Variants in ATAD3B observed in about 807,000 individuals in gnomAD.
ATAD3B encodes ATPase family AAA domain containing 3B.
In ATAD3B, 59 loss-of-function variants were observed where a neutral mutation model predicts 70.2. The observed-to-expected ratio is 0.84, with a 90% CI of 0.68 to 1.04. The LOEUF (loss-of-function observed/expected upper bound fraction) is 1.04, where lower values mean the gene tolerates loss of function less well. ATAD3B is among the 50% of genes least tolerant of loss of function. ATAD3B has a pLI of 0.00. For synonymous variants in ATAD3B, 423 were observed against 388.6 expected (o/e 1.09, Z -1.04); for missense variants, 961 against 913.4 (o/e 1.05, Z -0.67).
intron 7 of ATAD3B, chr1:1,483,933 C>A (rs1039307543): frequency 2.0e-5 from 3 of 152,150 alleles, no homozygotes; most frequent in African/African-American, 7.2e-5. Flanking sequence ...GCAGTCACAG[C>A]AGTGGGCGCC....
intron 5 of ATAD3B, among the ~76,000 whole-genome samples, 186 bp from the exon 6 acceptor site, chr1:1,481,952 C>A (rs946659945): frequency 7.2e-6 from 1 of 138,188 alleles, no homozygotes; most frequent in South Asian, 2.2e-4. Flanking sequence ...TGGGCCGGTC[C>A]GTGGTGCGGG....
intron 1 of ATAD3B, among the ~76,000 whole-genome samples, chr1:1,475,217 TG>T (rs2100520470): frequency 6.7e-6 from 1 of 149,278 alleles, no homozygotes; most frequent in Non-Finnish European, 1.5e-5. Context: ...AGGTGCACCG[TG>T]GGGAGCCCTC....
Position 1,485,050 on chromosome 1 carries a change from A to C in ATAD3B, c.785A>C (p.Tyr262Ser), listed in dbSNP as rs1193403183. The C allele has an allele frequency of 6.2e-7, 1 of 1,604,892 alleles. No individual in the cohort carries two copies. Residue 262 changes from tyrosine to serine, a missense_variant, in exon 8 of 16, where the codon TAC (tyrosine) becomes TCC (serine). Tyr to Ser is a moderately radical substitution (Grantham distance 144, BLOSUM62 -2). Around this residue, in one of 4 missense-constraint regions of ATAD3B, gnomAD observed 349 missense variants for 307.5 expected, o/e 1.14. Transcript: ENST00000673477. ...AGLTLLAVGV[Y>S]SAKNATAVTG... is the part of the protein sequence containing the mutation. ...CTGACGCTGCTGGCTGTCGGGGTCT[A>C]CTCAGCCAAGAATGCGACAGCCGTC...
At position 1,485,709 on chromosome 1, in the gene ATAD3B, A is replaced by G. The variant is rs1622025; in HGVS notation, c.907-73A>G. The G allele has an allele frequency of 3.0e-4, 479 of 1,597,630 alleles. 5 individuals are homozygous for G. The highest frequency in any genetic ancestry group is 3.7e-4 in the Middle Eastern group (2 of 5,338). ...GCTCCGTTTCTGTGTGTTACCGAGC[A>G]TGTGTGTGCGTTGGTGGCTGTTCCG... On this transcript the variant is annotated intron_variant, in intron 8 of 15. Coordinates refer to ENST00000673477, the MANE Select transcript of ATAD3B (RefSeq NM_031921.6).
In ATAD3B at chr1:1,477,625, G is replaced by T. The variant is rs186307811; in HGVS notation, c.282+275G>T. 1.6e-3 allele frequency among the ~76,000 whole-genome samples: 248 copies of T among 152,026 alleles called. 8 individuals carry two copies. Among genetic ancestry groups the T allele is most frequent in the Admixed American group, 8.7e-3 (132 of 15,244 alleles). The stretch of plus-strand genomic sequence containing the variant: ...TGGTGAGGGCATCTGGTCGTCCTGA[G>T]GGAGGGGGTCTTCTTCACATTCTCA... On this transcript the variant is annotated intron_variant, in intron 2 of 15. Transcript: ENST00000673477.
the ATAD3B span, chr1:1,509,250 A>G: frequency 6.2e-7 from 1 of 1,612,928 alleles, no homozygotes; most frequent in Non-Finnish European, 8.5e-7. Context: ...CGAGGCCATG[A>G]TGGACACCCG....
At chr1:1,493,110 A>T (rs1640619573) in intron 15 of ATAD3B, among the ~76,000 whole-genome samples, 1 of 151,986 alleles carries the variant, frequency 6.6e-6, no homozygotes, top group African/African-American at 2.4e-5. Flanking sequence ...AACTGTCTCA[A>T]AATATAAATG....
At chr1:1,488,183 C>T (rs560725537) in intron 12 of ATAD3B, among the ~76,000 whole-genome samples, 1 of 151,916 alleles carries the variant, frequency 6.6e-6, no homozygotes. Flanking sequence ...TCAAGAACTC[C>T]TGATCTCAAA....
intron 8 of ATAD3B, among the ~76,000 whole-genome samples, chr1:1,485,406 T>C (rs1640151065): frequency 6.6e-6 from 1 of 152,012 alleles, no homozygotes; most frequent in African/African-American, 2.4e-5. Context: ...TGATGGGGCC[T>C]GGGAGCACAT....
chr1:1,484,534 G>A (rs1640098154), intron 7 of ATAD3B: 1 of 155,690 alleles, frequency 6.4e-6, no homozygotes, highest in Non-Finnish European at 1.4e-5. Context: ...TTCCAGGTTG[G>A]TTAGGCTGGT....
downstream of ATAD3B, among the ~76,000 whole-genome samples, chr1:1,500,567 AATT>A (rs1382726952): frequency 2.0e-5 from 3 of 150,604 alleles, no homozygotes. Flanking sequence ...AAAAAAAAAA[AATT>A]ATCCTGTGCT....
At chr1:1,488,992 A>G (rs1025017479) in intron 12 of ATAD3B, among the ~76,000 whole-genome samples, 1 of 151,658 alleles carries the variant, frequency 6.6e-6, no homozygotes, top group Non-Finnish European at 1.5e-5. Flanking sequence ...CAAACTCCCT[A>G]CCTCAGGTGA....
At chr1:1,482,427 C>T (rs891973215) in intron 6 of ATAD3B, 118 bp from the exon 7 acceptor site, 32 of 1,588,890 alleles carry the variant, frequency 2.0e-5, no homozygotes, top group Middle Eastern at 1.7e-4. Flanking sequence ...GGTGGGGGCA[C>T]TGCCCCTCTG....
At chr1:1,501,535 G>A (rs1420200816), downstream of ATAD3B, among the ~76,000 whole-genome samples, 3 of 152,028 alleles carry the variant, frequency 2.0e-5, no homozygotes, top group Non-Finnish European at 4.4e-5. Flanking sequence ...AATTACAGGC[G>A]TGAGCCACCG....
intron 1 of ATAD3B, among the ~76,000 whole-genome samples, chr1:1,474,352 G>T (rs1153098): frequency 6.6e-6 from 1 of 150,996 alleles, no homozygotes. Context: ...CGCCACGCCC[G>T]GCTAATTTTT....
At chr1:1,480,241 C>T (rs1229336841) in intron 4 of ATAD3B, among the ~76,000 whole-genome samples, 3 of 125,682 alleles carry the variant, frequency 2.4e-5, no homozygotes, top group African/African-American at 9.1e-5. Flanking sequence ...CATTACTGCA[C>T]GTGAGGGCAT....
chr1:1,493,624 T>C (rs1570278137), intron 15 of ATAD3B, among the ~76,000 whole-genome samples: 1 of 146,064 alleles, frequency 6.8e-6, no homozygotes, highest in Non-Finnish European at 1.5e-5. Flanking sequence ...ACCAGTTGAA[T>C]TTTTTTTTTT....
At chr1:1,498,206 G>T (rs1640849779), downstream of ATAD3B, among the ~76,000 whole-genome samples, 1 of 151,986 alleles carries the variant, frequency 6.6e-6, no homozygotes, top group Non-Finnish European at 1.5e-5. Flanking sequence ...GGGAGGCCGA[G>T]GCAGGAAAAT....
At chr1:1,472,903 G>A (rs955745348) in intron 1 of ATAD3B, among the ~76,000 whole-genome samples, 1 of 149,328 alleles carries the variant, frequency 6.7e-6, no homozygotes, top group Non-Finnish European at 1.5e-5. Flanking sequence ...GTGCGATTTC[G>A]GCTCCCTGCA....
Sources: gnomAD v4.1 joint callset for allele counts (sites outside exome capture counted in the v4.1 genomes callset) on GRCh38, gnomAD v4.1.1 for gene constraint, gnomAD v4.1.1 regional missense constraint, MANE v1.5 for transcripts, NCBI Gene and HGNC (gene_info 2026-07-23, HGNC 2026-07-21) for gene names.